The following TNS3 variants were observed in gnomAD, a reference collection of about 807,000 sequenced individuals.
TNS3 encodes the protein tensin 3.
In TNS3, 45 loss-of-function variants were observed where a neutral mutation model predicts 140.9. The observed-to-expected ratio is 0.32, with a 90% CI of 0.25 to 0.41. The LOEUF is 0.41. Ranked by LOEUF, TNS3 falls within the 10% of genes least tolerant of loss-of-function variation. TNS3 has a pLI of 1.00. For synonymous variants in TNS3, 815 were observed against 788.4 expected (o/e 1.03, Z -0.56); for missense variants, 1,716 against 1,906.7 (o/e 0.90, Z 1.86).
intron 17 of TNS3, among the ~76,000 whole-genome samples, chr7:47,366,502 G>A (rs1473571998): frequency 1.3e-5 from 2 of 152,224 alleles, no homozygotes; most frequent in African/African-American, 4.8e-5. Flanking sequence ...GGAGTGAAGA[G>A]AAATTCACAG....
chr7:47,427,390 C>T (rs1794713225), intron 9 of TNS3, among the ~76,000 whole-genome samples: 1 of 152,176 alleles, frequency 6.6e-6, no homozygotes, highest in African/African-American at 2.4e-5. Context: ...TCAAATTTCA[C>T]TCCTTGGTGC....
At chr7:47,355,767 AC>A (rs1448358846) in intron 17 of TNS3, among the ~76,000 whole-genome samples, 2 of 152,146 alleles carry the variant, frequency 1.3e-5, no homozygotes, top group Non-Finnish European at 2.9e-5. Flanking sequence ...ACTTATGTTG[AC>A]CCTGAGCTGT....
intron 3 of TNS3, among the ~76,000 whole-genome samples, chr7:47,498,477 A>G (rs1395657643): frequency 1.3e-5 from 2 of 152,238 alleles, no homozygotes; most frequent in African/African-American, 4.8e-5. Context: ...GATGTGGCAA[A>G]TAGGTGCAGA....
rs530835783 is a variant in TNS3 at position 47,453,095 on chromosome 7, C to A, written c.-75-11040G>T. ...AAAGGAGGCAGCTGGAATAGCCCAC[C>A]AGGTGGGAGAGCCTGGTGAGTGTGG... On this transcript the variant is annotated intron_variant, in intron 4 of 30. Transcript: ENST00000311160. 16 of 985,634 alleles carry A rather than the reference C, an allele frequency of 1.6e-5. No homozygotes were observed. In the African/African-American group the frequency reaches 2.4e-4, roughly 15 times the overall value. The allele number at this position is 985,634 out of a possible 1,614,324, so 61.1% of individuals were successfully genotyped here. A position where few individuals can be genotyped will look rare whatever the true frequency, so the allele number is the denominator to read the frequency against.
intron 3 of TNS3, among the ~76,000 whole-genome samples, chr7:47,492,932 G>C (rs1487196407): frequency 1.3e-5 from 2 of 152,230 alleles, no homozygotes; most frequent in East Asian, 3.8e-4. Context: ...TGAGCTCACA[G>C]GGAGCAGAGC....
intron 12 of TNS3, among the ~76,000 whole-genome samples, chr7:47,413,083 A>G (rs1039838675): frequency 6.6e-6 from 1 of 151,632 alleles, no homozygotes; most frequent in Non-Finnish European, 1.5e-5. Context: ...CCTCCCAAGC[A>G]GCTGGGACTA....
chr7:47,378,817 C>T (rs1791572795), intron 16 of TNS3, among the ~76,000 whole-genome samples: 1 of 152,180 alleles, frequency 6.6e-6, no homozygotes, highest in Admixed American at 6.5e-5. Context: ...CATCACATGA[C>T]CTCCCCTCAG....
intron 20 of TNS3, among the ~76,000 whole-genome samples, chr7:47,330,187 C>T (rs573546415): frequency 6.6e-6 from 1 of 152,166 alleles, no homozygotes; most frequent in African/African-American, 2.4e-5. Context: ...GTTGACTCTG[C>T]TACAGCCAGG....
chr7:47,550,711 C>T (rs1448064326), intron 1 of TNS3, among the ~76,000 whole-genome samples: 1 of 152,060 alleles, frequency 6.6e-6, no homozygotes, highest in Non-Finnish European at 1.5e-5. Flanking sequence ...TTATGCACAA[C>T]AAAAAAGGCT....
chr7:47,554,859 T>C (rs540908030), intron 1 of TNS3, among the ~76,000 whole-genome samples: 1,527 of 151,818 alleles, frequency 0.01, 15 homozygotes, highest in Non-Finnish European at 0.017. Context: ...TGAAACCCCG[T>C]CCTACTAAAA....
chr7:47,506,103 C>A (rs1798407640), intron 3 of TNS3, among the ~76,000 whole-genome samples: 2 of 152,204 alleles, frequency 1.3e-5, no homozygotes, highest in Non-Finnish European at 2.9e-5. Flanking sequence ...ATGGGGACAA[C>A]CTGTCAGGGC....
chr7:47,503,290 T>G (rs73695364), intron 3 of TNS3, among the ~76,000 whole-genome samples: 2 of 152,022 alleles, frequency 1.3e-5, no homozygotes, highest in Non-Finnish European at 2.9e-5. Flanking sequence ...GTTTCAAGGA[T>G]AGGATTCCCA....
At chr7:47,416,954 C>T (rs922070652) in intron 10 of TNS3, among the ~76,000 whole-genome samples, 3 of 152,168 alleles carry the variant, frequency 2.0e-5, no homozygotes, top group Admixed American at 6.5e-5. Context: ...TTCCTCAGCT[C>T]GTCCAGTTTG....
chr7:47,316,094 TTCTCTC>T (rs56939479), intron 20 of TNS3, among the ~76,000 whole-genome samples: 6,615 of 105,490 alleles, frequency 0.063, 162 homozygotes, highest in African/African-American at 0.081. Context: ...AACTAACTAT[TTCTCTC>T]TCTCTCTCTC....
At chr7:47,354,648 C>T (rs144865334) in intron 17 of TNS3, among the ~76,000 whole-genome samples, 1 of 152,134 alleles carries the variant, frequency 6.6e-6, no homozygotes, top group East Asian at 1.9e-4. Context: ...TTACAAAGGT[C>T]ATGAGTACTC....
chr7:47,324,477 C>G (rs946780322), intron 20 of TNS3, among the ~76,000 whole-genome samples: 1 of 152,184 alleles, frequency 6.6e-6, no homozygotes, highest in Non-Finnish European at 1.5e-5. Flanking sequence ...CAGGGCTAGG[C>G]AAGGTGGCTC....
intron 27 of TNS3, among the ~76,000 whole-genome samples, chr7:47,290,842 C>T (rs1785655899): frequency 6.6e-6 from 1 of 152,196 alleles, no homozygotes; most frequent in Admixed American, 6.5e-5. Context: ...TATCTACGCA[C>T]AGGAGTTGAA....
rs924586510 is a variant in TNS3 at position 47,485,523 on chromosome 7, A to G, written c.-114-4382T>C. Among the ~76,000 whole-genome samples, 37 of 152,216 alleles carry G rather than the reference A, an allele frequency of 2.4e-4. 1 individual carries two copies. The highest frequency in any genetic ancestry group is 1.6e-4 in the Non-Finnish European group (11 of 68,034). Reference sequence around the variant, plus strand: ...CAGCTCCCTCAGGGATTAGGGTGACAAGAGGTGACAACAGTGAGACAAGGA... The same window carrying G: ...CAGCTCCCTCAGGGATTAGGGTGACGAGAGGTGACAACAGTGAGACAAGGA... On this transcript the variant is annotated intron_variant, in intron 3 of 30. Coordinates refer to ENST00000311160, the MANE Select transcript of TNS3 (RefSeq NM_022748.12).
intron 17 of TNS3, among the ~76,000 whole-genome samples, chr7:47,363,439 C>T (rs1001661231): frequency 4.6e-5 from 7 of 152,182 alleles, no homozygotes; most frequent in Admixed American, 1.3e-4. Flanking sequence ...ATAAATAATG[C>T]AGGATGCACA....
Sources: gnomAD v4.1 joint callset for allele counts (sites outside exome capture counted in the v4.1 genomes callset) on GRCh38, gnomAD v4.1.1 for gene constraint, MANE v1.5 for transcripts, NCBI Gene and HGNC (gene_info 2026-07-23, HGNC 2026-07-21) for gene names.